ARHGAP15: variants seen among roughly 807,000 people sequenced by gnomAD.
The protein encoded by ARHGAP15 is Rho GTPase activating protein 15, also known as rho GTPase-activating protein 15.
Under a neutral mutation model 63.7 loss-of-function variants are expected in ARHGAP15, and 51 were observed. That is an observed-to-expected ratio of 0.80 (90% confidence interval 0.64 to 1.01). ARHGAP15 has a LOEUF of 1.01. ARHGAP15 is among the 50% of genes least tolerant of loss of function. ARHGAP15 has a pLI of 0.00. For missense variants in ARHGAP15, 560 were observed against 564.6 expected, an observed-to-expected ratio of 0.99 and a Z score of 0.08; for synonymous variants, 191 against 193.8, an observed-to-expected ratio of 0.99 and a Z score of 0.12.
intron 11 of ARHGAP15, among the ~76,000 whole-genome samples, chr2:143,557,033 A>C (rs1695832796): frequency 6.6e-6 from 1 of 152,176 alleles, no homozygotes; most frequent in Non-Finnish European, 1.5e-5. Context: ...AGGAACTCTC[A>C]TTCATTGCTG....
intron 2 of ARHGAP15, among the ~76,000 whole-genome samples, chr2:143,155,908 G>T (rs1043802360): frequency 6.6e-6 from 1 of 151,702 alleles, no homozygotes; most frequent in African/African-American, 2.4e-5. Flanking sequence ...CATTTTAAGG[G>T]CCTCTACTAT....
rs184892112 is a variant in ARHGAP15 at position 143,142,232 on chromosome 2, G to A, written c.-15+12766G>A. 1.4e-3 allele frequency among the ~76,000 whole-genome samples: 214 copies of A among 152,218 alleles called. 1 individual carries two copies. The highest frequency in any genetic ancestry group is 2.1e-3 in the Non-Finnish European group (140 of 68,024). Reference sequence around the variant, plus strand: ...TTTTCCACCTCTTCTTGAATTTATAGCTGCTCCTAAAAAAGCAGGAGCAGA... The same window carrying A: ...TTTTCCACCTCTTCTTGAATTTATAACTGCTCCTAAAAAAGCAGGAGCAGA... On this transcript the variant is annotated intron_variant, in intron 1 of 13. Transcript: ENST00000295095.
intron 9 of ARHGAP15, among the ~76,000 whole-genome samples, chr2:143,517,293 G>C (rs1480192829): frequency 6.6e-6 from 1 of 152,084 alleles, no homozygotes; most frequent in Admixed American, 6.6e-5. Flanking sequence ...TTCCCTCCAT[G>C]TTGGGTTGTC....
chr2:143,722,176 C>G (rs533927623), intron 13 of ARHGAP15, among the ~76,000 whole-genome samples: 7 of 151,248 alleles, frequency 4.6e-5, no homozygotes, highest in Admixed American at 2.6e-4. Flanking sequence ...AAAAGAAACA[C>G]ACACACACAC....
chr2:143,462,935 T>G (rs757005095), intron 8 of ARHGAP15, among the ~76,000 whole-genome samples: 1 of 152,114 alleles, frequency 6.6e-6, no homozygotes, highest in African/African-American at 2.4e-5. Flanking sequence ...CAGAGGCTAT[T>G]TGGGGTCTCT....
At chr2:143,278,868 CTTTTT>C (rs965265275) in intron 6 of ARHGAP15, among the ~76,000 whole-genome samples, 2 of 135,342 alleles carry the variant, frequency 1.5e-5, no homozygotes, top group African/African-American at 5.4e-5. Context: ...TTCTTTCTTT[CTTTTT>C]TTTTTTTTTT....
At chr2:143,265,900 CAATTA>C (rs908062373) in intron 6 of ARHGAP15, among the ~76,000 whole-genome samples, 15 of 152,116 alleles carry the variant, frequency 9.9e-5, no homozygotes, top group African/African-American at 3.1e-4. Flanking sequence ...TGAATTCCTT[CAATTA>C]AATTAAAATT....
chr2:143,253,066 T>C (rs1177795270), intron 6 of ARHGAP15, among the ~76,000 whole-genome samples: 1 of 152,122 alleles, frequency 6.6e-6, no homozygotes, highest in East Asian at 1.9e-4. Flanking sequence ...AGCTTTAGAA[T>C]TCCAAGTTTG....
chr2:143,452,310 CT>C (rs1690443514), intron 8 of ARHGAP15, among the ~76,000 whole-genome samples: 1 of 152,096 alleles, frequency 6.6e-6, no homozygotes, highest in East Asian at 1.9e-4. Flanking sequence ...TAGGTAGGAT[CT>C]GCTTATTGTG....
At chr2:143,560,068 C>T (rs1397692737) in intron 11 of ARHGAP15, among the ~76,000 whole-genome samples, 1 of 152,146 alleles carries the variant, frequency 6.6e-6, no homozygotes. Flanking sequence ...ATTTCACTAA[C>T]TTTCTTGAAT....
At chr2:143,552,279 C>T (rs1056870818) in intron 10 of ARHGAP15, among the ~76,000 whole-genome samples, 4 of 152,180 alleles carry the variant, frequency 2.6e-5, no homozygotes, top group Non-Finnish European at 5.9e-5. Flanking sequence ...TCAAACTCCA[C>T]ATCTGCATGG....
intron 6 of ARHGAP15, among the ~76,000 whole-genome samples, chr2:143,328,100 C>G (rs1186227601): frequency 6.6e-6 from 1 of 152,128 alleles, no homozygotes; most frequent in Non-Finnish European, 1.5e-5. Context: ...ACAACAGATG[C>G]TGGAGAGGAT....
intron 12 of ARHGAP15, among the ~76,000 whole-genome samples, chr2:143,665,185 C>T (rs1436013419): frequency 2.7e-5 from 4 of 148,206 alleles, no homozygotes; most frequent in Non-Finnish European, 4.5e-5. Context: ...ACTGGCAAAA[C>T]GAATCCAGCA....
intron 9 of ARHGAP15, among the ~76,000 whole-genome samples, chr2:143,518,561 A>G (rs997234771): frequency 6.6e-6 from 1 of 152,268 alleles, no homozygotes; most frequent in Non-Finnish European, 1.5e-5. Context: ...CTAACTTTGC[A>G]GAACCTAATG....
intron 6 of ARHGAP15, among the ~76,000 whole-genome samples, chr2:143,339,100 G>A (rs1016462930): frequency 3.3e-5 from 5 of 152,044 alleles, no homozygotes; most frequent in Non-Finnish European, 7.4e-5. Context: ...GATTCTAAAG[G>A]ATATGCCCCT....
At chr2:143,709,886 C>T (rs963638404) in intron 13 of ARHGAP15, among the ~76,000 whole-genome samples, 3 of 152,196 alleles carry the variant, frequency 2.0e-5, no homozygotes, top group Non-Finnish European at 4.4e-5. Context: ...GAATGGACTT[C>T]AAAGCCCACA....
chr2:143,359,211 A>G (rs1385771144), intron 6 of ARHGAP15, among the ~76,000 whole-genome samples: 1 of 152,136 alleles, frequency 6.6e-6, no homozygotes, highest in East Asian at 1.9e-4. Flanking sequence ...CTTAGGCAAT[A>G]CTTTTTTCTT....
chr2:143,346,658 C>T (rs1685314639), intron 6 of ARHGAP15, among the ~76,000 whole-genome samples: 1 of 152,098 alleles, frequency 6.6e-6, no homozygotes, highest in Admixed American at 6.6e-5. Flanking sequence ...GAAGTGCTCG[C>T]TATCTGTCTG....
At chr2:143,542,739 TA>T (rs1695143622) in intron 10 of ARHGAP15, among the ~76,000 whole-genome samples, 1 of 99,018 alleles carries the variant, frequency 1.0e-5, no homozygotes. Flanking sequence ...ATATATAATA[TA>T]TATATGATAT....
Sources: gnomAD v4.1 joint callset for allele counts (sites outside exome capture counted in the v4.1 genomes callset) on GRCh38, gnomAD v4.1.1 for gene constraint, MANE v1.5 for transcripts, NCBI Gene and HGNC (gene_info 2026-07-23, HGNC 2026-07-21) for gene names.